ZDHHC14: variants seen among roughly 807,000 people sequenced by gnomAD.
The protein encoded by ZDHHC14 is palmitoyltransferase ZDHHC14.
A neutral mutation model predicts 47.7 loss-of-function variants in ZDHHC14; 16 were observed. The observed-to-expected ratio is 0.34, with a 90% CI of 0.23 to 0.51. The LOEUF (loss-of-function observed/expected upper bound fraction) is 0.51, where lower values mean the gene tolerates loss of function less well. Ranked by LOEUF, ZDHHC14 falls within the 20% of genes least tolerant of loss-of-function variation. The pLI, the probability that ZDHHC14 is intolerant of heterozygous loss-of-function variation, is 0.97. For synonymous variants in ZDHHC14, 293 were observed against 278.9 expected, an observed-to-expected ratio of 1.05 and a Z score of -0.50; for missense variants, 515 against 662.5, an observed-to-expected ratio of 0.78 and a Z score of 2.44.
chr6:157,653,744 C>T (rs897583246), intron 8 of ZDHHC14, 117 bp downstream of exon 8: 5 of 946,154 alleles, frequency 5.3e-6, no homozygotes, highest in African/African-American at 1.6e-5. Flanking sequence ...AGCCCACAGC[C>T]GCCCACCCCA....
At chr6:157,592,830 G>A in intron 2 of ZDHHC14, 158 bp from the exon 3 acceptor site, 1 of 1,446,148 alleles carries the variant, frequency 6.9e-7, no homozygotes, top group Non-Finnish European at 9.1e-7. Flanking sequence ...CCAGCGGAGG[G>A]TGAGTCCCAG....
At chr6:157,526,021 A>G (rs1298669421) in intron 1 of ZDHHC14, among the ~76,000 whole-genome samples, 1 of 152,184 alleles carries the variant, frequency 6.6e-6, no homozygotes, top group Admixed American at 6.5e-5. Context: ...TGAACCAAAC[A>G]CAGAATGCTC....
intron 1 of ZDHHC14, among the ~76,000 whole-genome samples, chr6:157,391,315 T>C (rs539849402): frequency 1.3e-4 from 20 of 152,356 alleles, no homozygotes; most frequent in South Asian, 4.1e-4. Flanking sequence ...AAATCTTCCC[T>C]GTACAGCTGC....
chr6:157,656,569 C>G (rs1778098453), intron 8 of ZDHHC14, among the ~76,000 whole-genome samples: 1 of 151,992 alleles, frequency 6.6e-6, no homozygotes, highest in Non-Finnish European at 1.5e-5. Context: ...CTCCTGGCCT[C>G]AAGTGATCCA....
At chr6:157,574,670 C>G (rs555210051) in intron 2 of ZDHHC14, among the ~76,000 whole-genome samples, 9 of 152,304 alleles carry the variant, frequency 5.9e-5, no homozygotes, top group African/African-American at 2.2e-4. Context: ...TTCATTACGT[C>G]CATTCATCAT....
At chr6:157,398,047 T>G in intron 1 of ZDHHC14, among the ~76,000 whole-genome samples, 1 of 102,328 alleles carries the variant, frequency 9.8e-6, no homozygotes. Flanking sequence ...GCTCCCCAGC[T>G]CCCCAGCCCC....
At chr6:157,621,545 C>T (rs952683059) in intron 3 of ZDHHC14, among the ~76,000 whole-genome samples, 2 of 152,176 alleles carry the variant, frequency 1.3e-5, no homozygotes, top group Non-Finnish European at 2.9e-5. Flanking sequence ...AGCTGAGCCA[C>T]CGTCTGCCAA....
rs974858970 is a variant in ZDHHC14, at chr6:157,492,193, C to G, written c.246-50392C>G. ...ACCTGAGCCTTGACCCTCAACATCCCCCCTCCGCCCCCGCCCCCCAGCCAC... is the reference window on the plus strand; with the variant it reads ...ACCTGAGCCTTGACCCTCAACATCCGCCCTCCGCCCCCGCCCCCCAGCCAC... On this transcript the variant is annotated intron_variant, in intron 1 of 8. Transcript: ENST00000359775. Among the ~76,000 whole-genome samples, 10 of 127,856 alleles carry G rather than the reference C, an allele frequency of 7.8e-5. 1 individual carries two copies. The highest frequency in any genetic ancestry group is 3.1e-4 in the African/African-American group (9 of 29,266). 83.9% of individuals were successfully genotyped at this position (127,856 alleles called of 152,430 possible). A position where few individuals can be genotyped will look rare whatever the true frequency, so the allele number is the denominator to read the frequency against.
Position 157,467,572 on chromosome 6 carries a change from T to C in ZDHHC14, c.246-75013T>C, listed in dbSNP as rs1779250544. 2.0e-5 allele frequency among the ~76,000 whole-genome samples: 3 copies of C among 149,516 alleles called. No individual in the cohort carries two copies. In the South Asian group the frequency reaches 6.4e-4, roughly 32 times the overall value. On this transcript the variant is annotated intron_variant, in intron 1 of 8. Transcript: ENST00000359775. The stretch of plus-strand genomic sequence containing the variant: ...ATTTATTTATTTATTTATTTTGAGA[T>C]GGAGCCTCACTCTATTGCCTAGGCT...
chr6:157,387,510 C>T (rs1442461886), intron 1 of ZDHHC14, among the ~76,000 whole-genome samples: 1 of 152,170 alleles, frequency 6.6e-6, no homozygotes, highest in East Asian at 1.9e-4. Context: ...TTTCTAAGTG[C>T]TGTGCCTCAT....
chr6:157,552,139 A>T (rs1458162262), intron 2 of ZDHHC14, among the ~76,000 whole-genome samples: 3 of 152,172 alleles, frequency 2.0e-5, no homozygotes, highest in Non-Finnish European at 4.4e-5. Context: ...TCAACAAGCA[A>T]ACTGTAGGTA....
intron 8 of ZDHHC14, among the ~76,000 whole-genome samples, chr6:157,665,611 G>C (rs958205864): frequency 6.6e-6 from 1 of 152,156 alleles, no homozygotes; most frequent in Non-Finnish European, 1.5e-5. Flanking sequence ...AGAAATTAGA[G>C]ATAAATGCTT....
chr6:157,657,650 T>C (rs547144754), intron 8 of ZDHHC14, among the ~76,000 whole-genome samples: 2 of 152,236 alleles, frequency 1.3e-5, no homozygotes, highest in East Asian at 3.9e-4. Context: ...GAGACAAAAC[T>C]GTAAGAAATC....
At chr6:157,631,190 C>A (rs1195616079) in intron 4 of ZDHHC14, 1 of 152,262 alleles carries the variant, frequency 6.6e-6, no homozygotes, top group African/African-American at 2.4e-5. Flanking sequence ...CACACACTCT[C>A]ACGGTGAAAT....
chr6:157,457,469 C>T (rs1778948911), intron 1 of ZDHHC14, among the ~76,000 whole-genome samples: 1 of 152,106 alleles, frequency 6.6e-6, no homozygotes, highest in African/African-American at 2.4e-5. Context: ...TTAAAACGGA[C>T]AATAAAGCCT....
At chr6:157,397,548 A>T (rs915693860) in intron 1 of ZDHHC14, among the ~76,000 whole-genome samples, 1 of 152,162 alleles carries the variant, frequency 6.6e-6, no homozygotes, top group African/African-American at 2.4e-5. Context: ...GCAGCCAGGA[A>T]GGGCTTTCTG....
At chr6:157,647,139 C>G in intron 6 of ZDHHC14, 120 bp from the exon 7 acceptor site, 1 of 684,154 alleles carries the variant, frequency 1.5e-6, no homozygotes, top group Non-Finnish European at 2.4e-6. Context: ...AGAAAAATAC[C>G]TCCATTTCTT....
chr6:157,466,914 G>A lies in ZDHHC14; in HGVS notation c.246-75671G>A, dbSNP rs576981176. On this transcript the variant is annotated intron_variant, in intron 1 of 8. Coordinates refer to ENST00000359775, the MANE Select transcript of ZDHHC14 (RefSeq NM_024630.3). ...AAAAAAAGTAAAACCTGGCAATACTGGGCCTGAGAGGTCTGGTGGGAACTG... is the reference window on the plus strand; with the variant it reads ...AAAAAAAGTAAAACCTGGCAATACTAGGCCTGAGAGGTCTGGTGGGAACTG... Among the ~76,000 whole-genome samples the A allele has an allele frequency of 2.4e-4, 36 of 151,932 alleles. No individual in the cohort carries two copies. In the South Asian group the frequency reaches 4.8e-3, roughly 20 times the overall value.
intron 1 of ZDHHC14, among the ~76,000 whole-genome samples, chr6:157,386,361 T>TA (rs996074434): frequency 2.6e-5 from 4 of 152,284 alleles, no homozygotes; most frequent in African/African-American, 9.6e-5. Flanking sequence ...AATAAAAATT[T>TA]AAAAATATAC....
Sources: allele counts gnomAD v4.1 joint callset (sites outside exome capture counted in the v4.1 genomes callset), GRCh38; gene constraint gnomAD v4.1.1; transcripts MANE v1.5; gene names NCBI Gene and HGNC (gene_info 2026-07-23, HGNC 2026-07-21).